ADAM2: variants seen among roughly 807,000 people sequenced by gnomAD.
The protein encoded by ADAM2 is ADAM metallopeptidase domain 2, also known as disintegrin and metalloproteinase domain-containing protein 2.
Under a neutral mutation model 99.3 loss-of-function variants are expected in ADAM2, and 101 were observed. The observed-to-expected ratio is 1.02, with a 90% CI of 0.87 to 1.20. The LOEUF is 1.20. Ranked by LOEUF, ADAM2 falls within the 50% of genes most tolerant of loss-of-function variation. The pLI, the probability that ADAM2 is intolerant of heterozygous loss-of-function variation, is 0.00. For missense variants in ADAM2, 948 were observed against 878.7 expected (o/e 1.08, Z -1.00); for synonymous variants, 323 against 287.6 (o/e 1.12, Z -1.25).
At chr8:39,819,029 A>C (rs1349951509) in intron 6 of ADAM2, among the ~76,000 whole-genome samples, 1 of 152,024 alleles carries the variant, frequency 6.6e-6, no homozygotes, top group Non-Finnish European at 1.5e-5. Flanking sequence ...AAAATAAATA[A>C]ATTTTAAAAT....
At chr8:39,797,054 T>G (rs1037910661) in intron 7 of ADAM2, among the ~76,000 whole-genome samples, 3 of 152,204 alleles carry the variant, frequency 2.0e-5, no homozygotes, top group Non-Finnish European at 4.4e-5. Context: ...TTAGTTTATT[T>G]AGATCCTATT....
chr8:39,745,980 CA>C (rs571494417), intron 19 of ADAM2, among the ~76,000 whole-genome samples: 55 of 149,978 alleles, frequency 3.7e-4, no homozygotes, highest in African/African-American at 1.3e-3. Context: ...TGTATATATG[CA>C]TGTGTATGTG....
intron 18 of ADAM2, 152 bp downstream of exon 18, chr8:39,749,160 C>T (rs1823596982): frequency 1.5e-6 from 1 of 666,148 alleles, no homozygotes; most frequent in South Asian, 2.2e-5. Flanking sequence ...ATATTACTCT[C>T]TGGAAGTGGA....
chr8:39,745,709 CA>C (rs970827626), intron 19 of ADAM2, among the ~76,000 whole-genome samples: 96 of 150,976 alleles, frequency 6.4e-4, no homozygotes, highest in African/African-American at 2.2e-3. Flanking sequence ...ACATTACTAC[CA>C]AAAAAAAGCT....
At chr8:39,787,266 A>G (rs182745257) in intron 9 of ADAM2, among the ~76,000 whole-genome samples, 3 of 151,884 alleles carry the variant, frequency 2.0e-5, no homozygotes, top group East Asian at 3.9e-4. Context: ...TTTCTGTAAC[A>G]TAACAAAGAT....
At chr8:39,756,180 A>G (rs1020925211) in intron 15 of ADAM2, among the ~76,000 whole-genome samples, 1 of 152,114 alleles carries the variant, frequency 6.6e-6, no homozygotes, top group African/African-American at 2.4e-5. Context: ...CTTTTGCACC[A>G]ACCTAATATT....
Position 39,821,671 on chromosome 8 carries a change from T to C in ADAM2, c.268-9A>G. ...TGGTAGTGGCAGAAATTCTGAAAGA[T>C]AAAATACACATATCTCCATTAGAAT... On this transcript the variant is annotated splice_polypyrimidine_tract_variant and intron_variant, in intron 4 of 20. Transcript: ENST00000265708. The C allele has an allele frequency of 6.4e-7, 1 of 1,551,986 alleles. No homozygotes were observed. The highest frequency in any genetic ancestry group is 1.7e-5 in the Admixed American group (1 of 59,840).
chr8:39,791,426 T>C (rs1188912701), intron 7 of ADAM2, among the ~76,000 whole-genome samples: 1 of 152,050 alleles, frequency 6.6e-6, no homozygotes, highest in Non-Finnish European at 1.5e-5. Flanking sequence ...GAAAATCAGT[T>C]AGATCTTTGA....
In ADAM2 at chr8:39,777,054, T is replaced by C. The variant is rs947369026; in HGVS notation, c.999A>G (p.Gly333=). 3 of 1,593,656 alleles carry C rather than the reference T, an allele frequency of 1.9e-6. No homozygotes were observed. The highest frequency in any genetic ancestry group is 1.3e-5 in the African/African-American group (1 of 74,428). The change falls in exon 11 of 21, where the codon GGA becomes GGG. Residue 333 remains glycine (G), a synonymous_variant. Transcript: ENST00000265708. ...YDDINKCQCS[G]AVCIMNPEAI... ...CTTCTGGATTCATAATGCAGACAGC[T>C]CCTGAGCACTGGCATTTGTTAATGT... is the stretch of plus-strand genomic sequence containing the variant.
At chr8:39,762,621 T>C (rs1434575261) in intron 14 of ADAM2, among the ~76,000 whole-genome samples, 1 of 152,222 alleles carries the variant, frequency 6.6e-6, no homozygotes, top group Admixed American at 6.5e-5. Context: ...AATATTATCC[T>C]AGATAATGTG....
chr8:39,837,391 T>G (rs1218741272), intron 1 of ADAM2, among the ~76,000 whole-genome samples, 179 bp from the exon 2 acceptor site: 1 of 151,920 alleles, frequency 6.6e-6, no homozygotes, highest in Non-Finnish European at 1.5e-5. Context: ...GTTTTTTTTT[T>G]TGTTTTTGAG....
chr8:39,787,289 G>A (rs1346240912), intron 9 of ADAM2, among the ~76,000 whole-genome samples: 1 of 150,568 alleles, frequency 6.6e-6, no homozygotes, highest in Non-Finnish European at 1.5e-5. Flanking sequence ...ATTTTATGTA[G>A]ATTTAAAAAA....
chr8:39,831,253 TAAAC>T (rs1805606024), intron 3 of ADAM2, among the ~76,000 whole-genome samples: 1 of 78,882 alleles, frequency 1.3e-5, no homozygotes, highest in Non-Finnish European at 3.0e-5. Flanking sequence ...ATGAAAACTC[TAAAC>T]TATATCTCAG....
At chr8:39,824,274 CAAAAAAAAA>C (rs201545294) in intron 4 of ADAM2, among the ~76,000 whole-genome samples, 2 of 83,502 alleles carry the variant, frequency 2.4e-5, no homozygotes, top group African/African-American at 7.9e-5. Flanking sequence ...AACTCTATCT[CAAAAAAAAA>C]AAAAAAAAAA....
intron 6 of ADAM2, among the ~76,000 whole-genome samples, chr8:39,818,283 T>C (rs1263705548): frequency 6.6e-6 from 1 of 152,080 alleles, no homozygotes; most frequent in Non-Finnish European, 1.5e-5. Flanking sequence ...AGTCAATTAA[T>C]GCAATACACC....
chr8:39,828,983 T>C (rs549469955), intron 3 of ADAM2, among the ~76,000 whole-genome samples: 1 of 151,918 alleles, frequency 6.6e-6, no homozygotes, highest in South Asian at 2.1e-4. Flanking sequence ...AAACCATATA[T>C]AAATGTATAA....
intron 4 of ADAM2, among the ~76,000 whole-genome samples, chr8:39,823,879 C>G (rs1047368205): frequency 6.6e-6 from 1 of 152,138 alleles, no homozygotes; most frequent in African/African-American, 2.4e-5. Flanking sequence ...ATCCTAGCCT[C>G]TCTAAAAATG....
At chr8:39,826,274 GAAA>G (rs1237970891) in intron 3 of ADAM2, among the ~76,000 whole-genome samples, 1 of 152,078 alleles carries the variant, frequency 6.6e-6, no homozygotes, top group Non-Finnish European at 1.5e-5. Flanking sequence ...AGATATAAGA[GAAA>G]TAAAACAACG....
At chr8:39,770,863 G>C (rs1182445365) in intron 11 of ADAM2, among the ~76,000 whole-genome samples, 1 of 152,082 alleles carries the variant, frequency 6.6e-6, no homozygotes, top group Non-Finnish European at 1.5e-5. Context: ...TTCAATATGT[G>C]TTCTCCACAA....
Sources: gnomAD v4.1 joint callset for allele counts (sites outside exome capture counted in the v4.1 genomes callset) on GRCh38, gnomAD v4.1.1 for gene constraint, MANE v1.5 for transcripts, NCBI Gene and HGNC (gene_info 2026-07-23, HGNC 2026-07-21) for gene names.